TNRC6B: variants seen among roughly 807,000 people sequenced by gnomAD.
TNRC6B encodes the protein trinucleotide repeat containing adaptor 6B, also known as trinucleotide repeat-containing gene 6B protein.
Under a neutral mutation model 203.6 loss-of-function variants are expected in TNRC6B, and 52 were observed. That is an observed-to-expected ratio of 0.26 (90% CI 0.20 to 0.32). TNRC6B has a LOEUF of 0.32. TNRC6B is among the 10% of genes least tolerant of loss of function. TNRC6B has a pLI of 1.00. For synonymous variants in TNRC6B, 838 were observed against 845.7 expected (o/e 0.99, Z 0.16); for missense variants, 1,923 against 2,286.2 (o/e 0.84, Z 3.24).
At chr22:40,153,279 A>G (rs1346613862) in intron 3 of TNRC6B, among the ~76,000 whole-genome samples, 1 of 152,206 alleles carries the variant, frequency 6.6e-6, no homozygotes, top group Non-Finnish European at 1.5e-5. Context: ...GAGACAGAGG[A>G]TCTGGGAAAC....
At chr22:40,168,280 C>T (rs2068939385) in intron 4 of TNRC6B, among the ~76,000 whole-genome samples, 1 of 152,176 alleles carries the variant, frequency 6.6e-6, no homozygotes, top group Non-Finnish European at 1.5e-5. Context: ...TTGAATTTCT[C>T]TTCTGTGCTA....
In TNRC6B at chr22:40,283,432, C is replaced by A. The variant is rs114493523; in HGVS notation, c.3582+2143C>A. On this transcript the variant is annotated intron_variant, in intron 11 of 22. Transcript: ENST00000454349. ...TCAGCCTCCCAAAATGGTAGGATTACAGGTGTGAATCACTGTACCTGGCCT... is the reference window on the plus strand; with the variant it reads ...TCAGCCTCCCAAAATGGTAGGATTAAAGGTGTGAATCACTGTACCTGGCCT... Among the ~76,000 whole-genome samples the A allele has an allele frequency of 5.1e-3, 772 of 152,288 alleles. 5 individuals carry two copies. Among genetic ancestry groups the A allele is most frequent in the African/African-American group, 0.018 (742 of 41,536 alleles).
Position 40,323,197 on chromosome 22 carries a change from T to C in TNRC6B, c.5458T>C (p.Leu1820=). The part of the protein sequence containing the change: ...DPHRMGSPAP[L]LPGDLLGGGS... ...CCATAGGATGGGCAGCCCTGCTCCT[T>C]TACTACCTGGTGACCTTCTGGGAGG... Residue 1820 remains leucine (L), a synonymous_variant, in exon 23 of 23, where the codon TTA becomes CTA. Coordinates refer to ENST00000454349, the MANE Select transcript of TNRC6B (RefSeq NM_001162501.2). 6.2e-7 allele frequency: 1 copy of C among 1,613,480 alleles called. No homozygotes were observed. Among genetic ancestry groups the C allele is most frequent in the Non-Finnish European group, 8.5e-7 (1 of 1,179,866 alleles).
intron 1 of TNRC6B, among the ~76,000 whole-genome samples, chr22:40,066,670 C>A (rs1355752130): frequency 6.6e-6 from 1 of 152,034 alleles, no homozygotes; most frequent in Non-Finnish European, 1.5e-5. Context: ...GATAAAACTT[C>A]TTAGGGGTGT....
intron 3 of TNRC6B, among the ~76,000 whole-genome samples, chr22:40,138,343 G>A (rs2068617941): frequency 6.6e-6 from 1 of 152,198 alleles, no homozygotes; most frequent in Non-Finnish European, 1.5e-5. Flanking sequence ...TCAGCTCACT[G>A]CAACCTCTGC....
chr22:40,266,966 G>A lies in TNRC6B; in HGVS notation c.2736G>A (p.Lys912=), dbSNP rs2070490725. The part of the protein sequence containing the change: ...YNYKNVNLWD[K]NSQGGPAPRE... The stretch of plus-strand genomic sequence containing the variant: ...ACAAGAATGTGAATCTGTGGGATAA[G>A]AATTCCCAAGGGGGCCCAGCACCTC... Residue 912 remains lysine (K), a synonymous_variant, in exon 5 of 23, where the codon AAG becomes AAA. Coordinates refer to ENST00000454349, the MANE Select transcript of TNRC6B (RefSeq NM_001162501.2). 1 of 1,613,274 alleles carries A rather than the reference G, an allele frequency of 6.2e-7. No individual in the cohort carries two copies. Among genetic ancestry groups the A allele is most frequent in the Middle Eastern group, 1.7e-4 (1 of 6,018 alleles).
intron 1 of TNRC6B, among the ~76,000 whole-genome samples, chr22:40,096,688 C>T (rs2068188283): frequency 1.3e-5 from 2 of 152,082 alleles, no homozygotes; most frequent in Admixed American, 1.3e-4. Flanking sequence ...ACATACTATG[C>T]CAGATATATG....
intron 11 of TNRC6B, among the ~76,000 whole-genome samples, chr22:40,283,358 C>T (rs5995842): frequency 6.6e-6 from 1 of 151,952 alleles, no homozygotes; most frequent in African/African-American, 2.4e-5. Flanking sequence ...TTATTTTTTA[C>T]AGATGGGGTC....
upstream of TNRC6B, among the ~76,000 whole-genome samples, chr22:40,175,802 CA>C (rs1876974771): frequency 6.6e-6 from 1 of 152,246 alleles, no homozygotes; most frequent in African/African-American, 2.4e-5. Flanking sequence ...TGTTAAGCCA[CA>C]GCTATTCAGG....
chr22:40,169,130 CTTTT>C (rs135632), intron 4 of TNRC6B, among the ~76,000 whole-genome samples: 1 of 109,668 alleles, frequency 9.1e-6, no homozygotes. Context: ...TTGGAATCTT[CTTTT>C]TTTTTTTTTT....
chr22:40,242,748 T>G (rs1053132399), intron 1 of TNRC6B, among the ~76,000 whole-genome samples: 1 of 151,384 alleles, frequency 6.6e-6, no homozygotes, highest in African/African-American at 2.4e-5. Flanking sequence ...CTTAATATAC[T>G]TAAATAGTCC....
chr22:40,202,931 C>G (rs2069432918), intron 1 of TNRC6B, among the ~76,000 whole-genome samples: 1 of 152,080 alleles, frequency 6.6e-6, no homozygotes, highest in African/African-American at 2.4e-5. Flanking sequence ...CCTTCTCGCC[C>G]AGGTTTTCAC....
chr22:40,218,218 T>C (rs533061437), intron 1 of TNRC6B, among the ~76,000 whole-genome samples: 2 of 152,004 alleles, frequency 1.3e-5, no homozygotes, highest in African/African-American at 2.4e-5. Flanking sequence ...AATAACTCAT[T>C]GATTACCAAG....
In TNRC6B at chr22:40,266,308, A is replaced by G; in HGVS notation, c.2078A>G (p.Lys693Arg). The change falls in exon 5 of 23, where the codon AAG becomes AGG. Residue 693 changes from lysine (K) to arginine (R), a missense_variant. Lys to Arg is a conservative substitution (Grantham distance 26). Transcript: ENST00000454349. Reference protein sequence around the residue: ...LSASTEWKDPKNTGGWNDYKN... With the variant: ...LSASTEWKDPRNTGGWNDYKN... ...GCCTCTACAGAGTGGAAAGACCCCAAGAACACAGGAGGCTGGAATGACTAC... is the reference window on the plus strand; with the variant it reads ...GCCTCTACAGAGTGGAAAGACCCCAGGAACACAGGAGGCTGGAATGACTAC... The G allele has an allele frequency of 6.3e-7, 1 of 1,596,132 alleles. No individual in the cohort carries two copies. The highest frequency in any genetic ancestry group is 1.1e-5 in the South Asian group (1 of 88,772).
intron 1 of TNRC6B, among the ~76,000 whole-genome samples, chr22:40,099,232 C>T (rs913109828): frequency 2.8e-5 from 4 of 141,218 alleles, no homozygotes; most frequent in South Asian, 2.2e-4. Flanking sequence ...CTAGCCTGGG[C>T]GATAGTGTGA....
intron 6 of TNRC6B, among the ~76,000 whole-genome samples, chr22:40,272,680 A>C (rs1259484264): frequency 6.6e-6 from 1 of 152,214 alleles, no homozygotes; most frequent in Non-Finnish European, 1.5e-5. Context: ...TTTGTTTAGA[A>C]TGGGATACTG....
chr22:40,226,373 AT>A (rs1179432144), intron 1 of TNRC6B, among the ~76,000 whole-genome samples: 1 of 152,118 alleles, frequency 6.6e-6, no homozygotes, highest in African/African-American at 2.4e-5. Flanking sequence ...TTCTCAGAGG[AT>A]TTCCAGGATT....
At chr22:40,175,234 G>A (rs2069044530), upstream of TNRC6B, among the ~76,000 whole-genome samples, 1 of 151,520 alleles carries the variant, frequency 6.6e-6, no homozygotes, top group South Asian at 2.1e-4. Context: ...GCATGTGTCT[G>A]TAATCCCAGC....
At chr22:40,048,293 A>G (rs3180141) in intron 1 of TNRC6B, among the ~76,000 whole-genome samples, 3 of 152,270 alleles carry the variant, frequency 2.0e-5, no homozygotes, top group Non-Finnish European at 2.9e-5. Flanking sequence ...TAATACCAGC[A>G]CTTTTGGGAG....
Sources: allele counts gnomAD v4.1 joint callset (sites outside exome capture counted in the v4.1 genomes callset), GRCh38; gene constraint gnomAD v4.1.1; transcripts MANE v1.5; gene names NCBI Gene and HGNC (gene_info 2026-07-23, HGNC 2026-07-21).